The following CFAP69 variants were observed in gnomAD, a reference collection of about 807,000 sequenced individuals.
CFAP69 encodes the protein cilia and flagella associated protein 69, also known as cilia- and flagella-associated protein 69.
A neutral mutation model predicts 123.0 loss-of-function variants in CFAP69; 92 were observed. The observed-to-expected ratio is 0.75, with a 90% CI of 0.63 to 0.89. The LOEUF is 0.89. Ranked by LOEUF, CFAP69 falls within the 40% of genes least tolerant of loss-of-function variation. The pLI, the probability that CFAP69 is intolerant of heterozygous loss-of-function variation, is 0.00. For missense variants in CFAP69, 1,067 were observed against 1,096.9 expected, an observed-to-expected ratio of 0.97 and a Z score of 0.39; for synonymous variants, 380 against 364.3, an observed-to-expected ratio of 1.04 and a Z score of -0.49.
chr7:90,262,863 G>C (rs11563916), intron 4 of CFAP69, among the ~76,000 whole-genome samples: 25,242 of 151,764 alleles, frequency 0.17, 2,256 homozygotes, highest in Middle Eastern at 0.19. Context: ...AGATTTACTA[G>C]CAATATTTAA....
chr7:90,297,907 G>A, intron 16 of CFAP69, 77 bp downstream of exon 16: 1 of 931,520 alleles, frequency 1.1e-6, no homozygotes, highest in Non-Finnish European at 1.6e-6. Flanking sequence ...GAATGCCACA[G>A]AGCACAAGTC....
At chr7:90,321,112 A>G in the CFAP69 span, 24 of 152,268 alleles carry the variant, frequency 1.6e-4, no homozygotes, top group African/African-American at 5.5e-4. Flanking sequence ...CAGCGGACCC[A>G]CTTCCCGAGG....
At chr7:90,309,731 T>C (rs1039210127) in intron 22 of CFAP69, among the ~76,000 whole-genome samples, 5 of 152,150 alleles carry the variant, frequency 3.3e-5, no homozygotes, top group African/African-American at 9.7e-5. Context: ...TCTAAGAAAC[T>C]GCTATAAACA....
chr7:90,298,829 C>A (rs1488329089), intron 16 of CFAP69, among the ~76,000 whole-genome samples: 2 of 151,996 alleles, frequency 1.3e-5, no homozygotes, highest in Admixed American at 1.3e-4. Flanking sequence ...ATATTTAATG[C>A]TGATTCAACC....
intron 1 of CFAP69, among the ~76,000 whole-genome samples, chr7:90,248,286 T>C (rs1055159450): frequency 2.0e-5 from 3 of 152,236 alleles, no homozygotes; most frequent in African/African-American, 2.4e-5. Context: ...CTAACCTTAG[T>C]TTTTAGTAAT....
At chr7:90,307,362 A>G (rs1277079129) in intron 20 of CFAP69, among the ~76,000 whole-genome samples, 1 of 152,196 alleles carries the variant, frequency 6.6e-6, no homozygotes, top group Non-Finnish European at 1.5e-5. Flanking sequence ...CATGTATGCC[A>G]TAAATATGTA....
At chr7:90,252,268 G>C (rs1333473094) in intron 1 of CFAP69, among the ~76,000 whole-genome samples, 2 of 152,024 alleles carry the variant, frequency 1.3e-5, no homozygotes, top group African/African-American at 2.4e-5. Flanking sequence ...AAAATTTTTT[G>C]TAACAGTAAA....
At chr7:90,254,078 A>C (rs906089216) in intron 1 of CFAP69, among the ~76,000 whole-genome samples, 1 of 152,134 alleles carries the variant, frequency 6.6e-6, no homozygotes, top group Admixed American at 6.6e-5. Context: ...TCCTGACACC[A>C]TTTATTGAAG....
chr7:90,261,686 C>T (rs1798350848), intron 3 of CFAP69, among the ~76,000 whole-genome samples: 1 of 152,030 alleles, frequency 6.6e-6, no homozygotes, highest in Non-Finnish European at 1.5e-5. Context: ...TGTGTTGTAG[C>T]AGTTGGTAAT....
intron 14 of CFAP69, among the ~76,000 whole-genome samples, chr7:90,287,042 C>T (rs541129178): frequency 1.4e-4 from 20 of 146,786 alleles, no homozygotes; most frequent in South Asian, 8.7e-4. Context: ...GCCCAGATCT[C>T]ACCACTGCAC....
At chr7:90,315,924 C>T (rs190470558), downstream of CFAP69, among the ~76,000 whole-genome samples, 1 of 152,082 alleles carries the variant, frequency 6.6e-6, no homozygotes. Flanking sequence ...GAAACCCTGT[C>T]TCTACTAAAA....
chr7:90,284,391 C>T (rs2117101671), intron 13 of CFAP69, among the ~76,000 whole-genome samples: 1 of 152,196 alleles, frequency 6.6e-6, no homozygotes, highest in South Asian at 2.1e-4. Context: ...AGAACTTATC[C>T]ATGTAACCAA....
At chr7:90,302,091 T>C (rs1465680660) in intron 17 of CFAP69, 1 of 152,266 alleles carries the variant, frequency 6.6e-6, no homozygotes, top group Non-Finnish European at 1.5e-5. Flanking sequence ...TTGAGCTTTT[T>C]TCATATGCTT....
chr7:90,306,860 G>C lies in CFAP69; in HGVS notation c.2266-41G>C, dbSNP rs1343615474. On this transcript the variant is annotated intron_variant, in intron 19 of 22. Coordinates refer to ENST00000389297, the MANE Select transcript of CFAP69 (RefSeq NM_001039706.3). Reference sequence around the variant, plus strand: ...GTATAATTGTACAATTGCATGATTTGTTTTTGGTTAATTTAACTTTGTTAA... The same window carrying C: ...GTATAATTGTACAATTGCATGATTTCTTTTTGGTTAATTTAACTTTGTTAA... 3 of 1,185,522 alleles carry C rather than the reference G, an allele frequency of 2.5e-6. No individual in the cohort carries two copies. The African/African-American group carries it at 4.7e-5, about 18-fold the overall frequency. The allele number at this position is 1,185,522 out of a possible 1,614,324, so 73.4% of individuals were successfully genotyped here. A position where few individuals can be genotyped will look rare whatever the true frequency, so the allele number is the denominator to read the frequency against.
intron 4 of CFAP69, among the ~76,000 whole-genome samples, chr7:90,265,093 C>A (rs765232098): frequency 4.0e-5 from 6 of 151,894 alleles, no homozygotes; most frequent in Non-Finnish European, 4.4e-5. Context: ...CACCCGGCCC[C>A]AGAAACATTT....
chr7:90,310,395 T>C lies in CFAP69; in HGVS notation c.*157T>C. On this transcript the variant is annotated 3_prime_UTR_variant, in exon 23 of 23. Transcript: ENST00000389297. ...TAAAAGGACATATAATTTATTTTTATGGAAAACATCAACATGTAATATCAG... is the reference window on the plus strand; with the variant it reads ...TAAAAGGACATATAATTTATTTTTACGGAAAACATCAACATGTAATATCAG... 2.5e-6 allele frequency: 1 copy of C among 396,708 alleles called. No individual in the cohort carries two copies. Among genetic ancestry groups the C allele is most frequent in the Admixed American group, 4.3e-5 (1 of 23,132 alleles). The allele number at this position is 396,708 out of a possible 1,614,324, so 24.6% of individuals were successfully genotyped here.
intron 4 of CFAP69, among the ~76,000 whole-genome samples, chr7:90,262,792 A>G (rs1218957171): frequency 1.3e-5 from 2 of 152,022 alleles, no homozygotes; most frequent in African/African-American, 4.8e-5. Flanking sequence ...CAAATAATAT[A>G]TAAATAATAG....
At chr7:90,321,445 T>A in the CFAP69 span, 21 of 153,102 alleles carry the variant, frequency 1.4e-4, no homozygotes, top group Middle Eastern at 3.4e-3. Context: ...CCTGCGGCCC[T>A]GCTTTGGCCG....
chr7:90,272,746 T>C (rs1023359107), intron 8 of CFAP69, among the ~76,000 whole-genome samples: 2 of 152,084 alleles, frequency 1.3e-5, no homozygotes, highest in African/African-American at 2.4e-5. Flanking sequence ...CCCAAGCCTA[T>C]GTAGTAAGAC....
Sources: allele counts gnomAD v4.1 joint callset (sites outside exome capture counted in the v4.1 genomes callset), GRCh38; gene constraint gnomAD v4.1.1; transcripts MANE v1.5; gene names NCBI Gene and HGNC (gene_info 2026-07-23, HGNC 2026-07-21).